Variants in CBX6 observed in about 807,000 individuals in gnomAD.
CBX6 encodes chromobox 6.
A neutral mutation model predicts 28.4 loss-of-function variants in CBX6; 7 were observed. The observed-to-expected ratio is 0.25, with a 90% CI of 0.14 to 0.46. The LOEUF (loss-of-function observed/expected upper bound fraction) is 0.46. CBX6 is among the 20% of genes least tolerant of loss of function. The pLI, the probability that CBX6 is intolerant of heterozygous loss-of-function variation, is 0.99. For missense variants in CBX6, 512 were observed against 606.1 expected (o/e 0.84, Z 1.63); for synonymous variants, 297 against 273.4 (o/e 1.09, Z -0.85).
Position 38,871,894 on chromosome 22 carries a change from A to T in CBX6, c.113+8T>A. On this transcript the variant is annotated splice_region_variant and intron_variant, in intron 2 of 4. Coordinates refer to ENST00000407418, the MANE Select transcript of CBX6 (RefSeq NM_014292.5). This position sits in a 1 kb window ranked among gnomAD's most constrained non-coding sequence, Gnocchi z 5.6. ...TCCCGCGACGCCCCCGGACCCCGCG[A>T]CACTCACTTGATCGCCCACCCCTTC... 4 of 1,542,204 alleles carry T rather than the reference A, an allele frequency of 2.6e-6. No individual in the cohort carries two copies. Among genetic ancestry groups the T allele is most frequent in the Non-Finnish European group, 3.5e-6 (4 of 1,142,504 alleles).
In CBX6 at chr22:38,862,345, T is replaced by C. The variant is rs1419335972; in HGVS notation, c.*3864A>G. The C allele has an allele frequency of 6.6e-6, 1 of 151,824 alleles. No homozygotes were observed. Among genetic ancestry groups the C allele is most frequent in the Non-Finnish European group, 1.5e-5 (1 of 67,948 alleles). 9.4% of individuals were successfully genotyped at this position (151,824 alleles called of 1,614,324 possible). ...AGCCCCTAATTCTGGGCTTTCTATA[T>C]GAGAGGACATGCAGATAGGGAAGAA... On this transcript the variant is annotated 3_prime_UTR_variant, in exon 5 of 5. Transcript: ENST00000407418.
rs2093163484 is a variant in CBX6, at chr22:38,863,956, T to A, written c.*2253A>T. The A allele has an allele frequency of 6.6e-6, 1 of 150,738 alleles. No homozygotes were observed. Among genetic ancestry groups the A allele is most frequent in the South Asian group, 2.1e-4 (1 of 4,756 alleles). The allele number at this position is 150,738 out of a possible 1,614,324, so 9.3% of individuals were successfully genotyped here. On this transcript the variant is annotated 3_prime_UTR_variant, in exon 5 of 5. Coordinates refer to ENST00000407418, the MANE Select transcript of CBX6 (RefSeq NM_014292.5). ...GTGACAACCCCCACCCTCCCAAACC[T>A]CAGCTTGCCGGGACCTGCAGCTTGG...
Position 38,865,035 on chromosome 22 carries a change from CTG to C in CBX6, c.*1172_*1173del, listed in dbSNP as rs1339583021. ...CCTCCTTTGCTTCAGGCAGGCTGGG[CTG>C]TGAGAAAGCCTCCGTGGTCAGAAGC... On this transcript the variant is annotated 3_prime_UTR_variant, in exon 5 of 5. Transcript: ENST00000407418. The C allele has an allele frequency of 6.6e-6, 1 of 152,296 alleles. No homozygotes were observed. Among genetic ancestry groups the C allele is most frequent in the Admixed American group, 6.5e-5 (1 of 15,282 alleles). The allele number at this position is 152,296 out of a possible 1,614,324, so 9.4% of individuals were successfully genotyped here. A position where few individuals can be genotyped will look rare whatever the true frequency, so the allele number is the denominator to read the frequency against.
rs531326836 is a variant in CBX6, at chr22:38,862,632, G to A, written c.*3577C>T. The A allele has an allele frequency of 6.6e-6, 1 of 152,316 alleles. No homozygotes were observed. The highest frequency in any genetic ancestry group is 1.5e-5 in the Non-Finnish European group (1 of 68,106). 9.4% of individuals were successfully genotyped at this position (152,316 alleles called of 1,614,324 possible). ...AATGACACAGAAGAGTGGGCAAAAGGGGGATGTGTCCTCTTGGGTCCCCAT... is the reference window on the plus strand; with the variant it reads ...AATGACACAGAAGAGTGGGCAAAAGAGGGATGTGTCCTCTTGGGTCCCCAT... On this transcript the variant is annotated 3_prime_UTR_variant, in exon 5 of 5. Transcript: ENST00000407418.
intron 4 of CBX6, among the ~76,000 whole-genome samples, chr22:38,869,313 A>G (rs551769016): frequency 6.6e-6 from 1 of 152,218 alleles, no homozygotes; most frequent in South Asian, 2.1e-4. Flanking sequence ...AGTGTGGGCA[A>G]ATGGCAGGCC....
chr22:38,871,785 G>C lies in CBX6; in HGVS notation c.114-28C>G. The C allele has an allele frequency of 6.2e-7, 1 of 1,603,386 alleles. No individual in the cohort carries two copies. The highest frequency in any genetic ancestry group is 1.3e-5 in the African/African-American group (1 of 74,834). On this transcript the variant is annotated intron_variant, in intron 2 of 4. Transcript: ENST00000407418. The surrounding 1 kb of genome is among the most constrained non-coding windows in gnomAD (Gnocchi z 5.6). ...GCCGAGTCACAAACGCACAAAATCAGGATGAAGACCAGAGAGGGACAGGCA... is the reference window on the plus strand; with the variant it reads ...GCCGAGTCACAAACGCACAAAATCACGATGAAGACCAGAGAGGGACAGGCA...
chr22:38,871,812 G>A lies in CBX6; in HGVS notation c.114-55C>T. 1 of 1,589,772 alleles carries A rather than the reference G, an allele frequency of 6.3e-7. No individual in the cohort carries two copies. Among genetic ancestry groups the A allele is most frequent in the Non-Finnish European group, 8.6e-7 (1 of 1,165,246 alleles). ...ATGAAGACCAGAGAGGGACAGGCAC[G>A]CGGCGAGAGCAAGAGCGCGCACCCC... On this transcript the variant is annotated intron_variant, in intron 2 of 4. Coordinates refer to ENST00000407418, the MANE Select transcript of CBX6 (RefSeq NM_014292.5). This position sits in a 1 kb window ranked among gnomAD's most constrained non-coding sequence, Gnocchi z 5.6.
intron 4 of CBX6, among the ~76,000 whole-genome samples, chr22:38,867,732 C>T (rs553777860): frequency 1.8e-4 from 28 of 152,350 alleles, no homozygotes; most frequent in South Asian, 4.1e-4. Context: ...CGTACTCTCT[C>T]GCCTTTGAGC....
At position 38,872,015 on chromosome 22, in the gene CBX6, G is replaced by C. The variant is rs1192951374; in HGVS notation, c.70-70C>G. On this transcript the variant is annotated intron_variant, in intron 1 of 4. Transcript: ENST00000407418. The surrounding 1 kb of genome is among the most constrained non-coding windows in gnomAD (Gnocchi z 5.0). ...TGCGGGGACGCGAGGAGGCGGCGGC[G>C]CGGGGCTGGGCGAGGGAGCCGGGCT... 7.2e-7 allele frequency: 1 copy of C among 1,396,280 alleles called. No individual in the cohort carries two copies. The highest frequency in any genetic ancestry group is 9.4e-7 in the Non-Finnish European group (1 of 1,059,404). 86.5% of individuals were successfully genotyped at this position (1,396,280 alleles called of 1,614,324 possible). A position where few individuals can be genotyped will look rare whatever the true frequency, so the allele number is the denominator to read the frequency against.
rs1318268673 is a variant in CBX6 at position 38,866,561 on chromosome 22, A to C, written c.887T>G (p.Leu296Arg). The change falls in exon 5 of 5, where the codon CTC (leucine) becomes CGC (arginine). Residue 296 changes from leucine (L) to arginine (R), a missense_variant. Physicochemically the swap from Leu to Arg is moderately radical, Grantham distance 102. This residue lies in a region of CBX6 where 290 missense variants were observed against 274.1 expected (regional missense o/e 1.06). Transcript: ENST00000407418. The surrounding 1 kb of genome is among the most constrained non-coding windows in gnomAD (Gnocchi z 7.5). ...GGCGGATGGGCTCACGGTCTCGGGG[A>C]GGAGCTTGGGGGGCGTGTCGTCGGG... ...SDPDDTPPKL[L>R]PETVSPSAPS... 1 of 1,575,792 alleles carries C rather than the reference A, an allele frequency of 6.3e-7. No individual in the cohort carries two copies. Among genetic ancestry groups the C allele is most frequent in the Non-Finnish European group, 8.6e-7 (1 of 1,168,756 alleles).
rs1603251077 is a variant in CBX6, at chr22:38,871,839, A to C, written c.113+63T>G. The C allele has an allele frequency of 3.3e-6, 5 of 1,536,782 alleles. No individual in the cohort carries two copies. Among genetic ancestry groups the C allele is most frequent in the East Asian group, 2.4e-5 (1 of 42,410 alleles). On this transcript the variant is annotated intron_variant, in intron 2 of 4. Transcript: ENST00000407418. The surrounding 1 kb of genome is among the most constrained non-coding windows in gnomAD (Gnocchi z 5.6). ...GGCGAGAGCAAGAGCGCGCACCCCC[A>C]CCCCAGGCCCCGGTGCCCGCTGCCT...
chr22:38,869,425 C>T (rs774725503), intron 4 of CBX6: 1 of 152,134 alleles, frequency 6.6e-6, no homozygotes, highest in African/African-American at 2.4e-5. Context: ...TACATGGCAC[C>T]TGCTCAGCAC....
intron 4 of CBX6, among the ~76,000 whole-genome samples, chr22:38,869,105 C>A (rs1436103769): frequency 6.6e-6 from 1 of 152,234 alleles, no homozygotes; most frequent in Non-Finnish European, 1.5e-5. Flanking sequence ...TTGGGCCCCT[C>A]AGACCCCTTC....
chr22:38,867,078 G>A lies in CBX6; in HGVS notation c.370C>T (p.Arg124Cys). The A allele has an allele frequency of 6.2e-7, 1 of 1,602,574 alleles. No homozygotes were observed. Residue 124 changes from arginine to cysteine, a missense_variant, in exon 5 of 5, where the codon CGC (arginine) becomes TGC (cysteine). Arg to Cys is a radical substitution (Grantham distance 180). Around this residue, in one of 7 missense-constraint regions of CBX6, gnomAD observed 123 missense variants for 138.1 expected, o/e 0.89. Coordinates refer to ENST00000407418, the MANE Select transcript of CBX6 (RefSeq NM_014292.5). ...CGGCGGGACATACGGTGGCAGCGGCGGATGTCCTTCTTGAGCCGGTGCACG... is the reference window on the plus strand; with the variant it reads ...CGGCGGGACATACGGTGGCAGCGGCAGATGTCCTTCTTGAGCCGGTGCACG... ...AAVHRLKKDI[R>C]RCHRMSRRPL...
chr22:38,862,365 G>T lies in CBX6; in HGVS notation c.*3844C>A, dbSNP rs1481558818. ...CTATATGAGAGGACATGCAGATAGG[G>T]AAGAAACTAAAACCTTTCAATGTCT... On this transcript the variant is annotated 3_prime_UTR_variant, in exon 5 of 5. Coordinates refer to ENST00000407418, the MANE Select transcript of CBX6 (RefSeq NM_014292.5). 6.6e-6 allele frequency: 1 copy of T among 152,048 alleles called. No homozygotes were observed. Among genetic ancestry groups the T allele is most frequent in the Non-Finnish European group, 1.5e-5 (1 of 68,012 alleles). 9.4% of individuals were successfully genotyped at this position (152,048 alleles called of 1,614,324 possible).
In CBX6 at chr22:38,862,988, A is replaced by T. The variant is rs888772216; in HGVS notation, c.*3221T>A. ...CACTGAAGTTGGGGACTTGATCATC[A>T]CCTCTTCCCAGATCATAGGAAGGAT... On this transcript the variant is annotated 3_prime_UTR_variant, in exon 5 of 5. Transcript: ENST00000407418. 1.3e-5 allele frequency: 2 copies of T among 151,966 alleles called. No individual in the cohort carries two copies. Among genetic ancestry groups the T allele is most frequent in the Admixed American group, 6.6e-5 (1 of 15,266 alleles). The allele number at this position is 151,966 out of a possible 1,614,324, so 9.4% of individuals were successfully genotyped here. A position where few individuals can be genotyped will look rare whatever the true frequency, so the allele number is the denominator to read the frequency against.
chr22:38,867,225 T>TGGGGGGG, intron 4 of CBX6, 24 bp from the exon 5 acceptor site: 1 of 441,608 alleles, frequency 2.3e-6, no homozygotes, highest in Non-Finnish European at 4.3e-6. Flanking sequence ...GAGGGGTGGG[T>TGGGGGGG]GGGACCTCAG....
rs3042739 is a variant in CBX6 at position 38,862,518 on chromosome 22, C to CAAAAAAA, written c.*3684_*3690dup. 0.014 allele frequency: 373 copies of CAAAAAAA among 27,402 alleles called. No individual in the cohort carries two copies. The highest frequency in any genetic ancestry group is 0.053 in the Middle Eastern group (2 of 38). 1.7% of individuals were successfully genotyped at this position (27,402 alleles called of 1,614,324 possible). A position where few individuals can be genotyped will look rare whatever the true frequency, so the allele number is the denominator to read the frequency against. On this transcript the variant is annotated 3_prime_UTR_variant, in exon 5 of 5. Coordinates refer to ENST00000407418, the MANE Select transcript of CBX6 (RefSeq NM_014292.5). ...TCCACTGTCCTGTGTGGGCGAAGTG[C>CAAAAAAA]AAAAAAAAAAAAAAAAAAAAAAAAA...
At position 38,870,245 on chromosome 22, in the gene CBX6, C is replaced by T. The variant is rs2093179046; in HGVS notation, c.246+1235G>A. 2 of 152,224 alleles carry T rather than the reference C, an allele frequency of 1.3e-5. No homozygotes were observed. Among genetic ancestry groups the T allele is most frequent in the Non-Finnish European group, 2.9e-5 (2 of 68,056 alleles). The allele number at this position is 152,224 out of a possible 1,614,324, so 9.4% of individuals were successfully genotyped here. A position where few individuals can be genotyped will look rare whatever the true frequency, so the allele number is the denominator to read the frequency against. On this transcript the variant is annotated intron_variant, in intron 4 of 4. Coordinates refer to ENST00000407418, the MANE Select transcript of CBX6 (RefSeq NM_014292.5). The surrounding 1 kb of genome is among the most constrained non-coding windows in gnomAD (Gnocchi z 4.3). ...TTTTATCTGTGAAATGGGGATAATA[C>T]TCCTTACTTCTTGGAACTGTTGAAA...
Sources: gnomAD v4.1 joint callset for allele counts (sites outside exome capture counted in the v4.1 genomes callset) on GRCh38, gnomAD v4.1.1 for gene constraint, gnomAD v4.1.1 regional missense constraint, Gnocchi (gnomAD v3.1) non-coding constraint, MANE v1.5 for transcripts, NCBI Gene and HGNC (gene_info 2026-07-23, HGNC 2026-07-21) for gene names.